Variants in GALNT17 observed in about 807,000 individuals in gnomAD.
GALNT17 encodes the protein polypeptide N-acetylgalactosaminyltransferase 17.
Under a neutral mutation model 63.7 loss-of-function variants are expected in GALNT17, and 29 were observed. That is an observed-to-expected ratio of 0.46 (90% confidence interval 0.34 to 0.62). The LOEUF (loss-of-function observed/expected upper bound fraction) is 0.62, where lower values mean the gene tolerates loss of function less well. Ranked by LOEUF, GALNT17 falls within the 20% of genes least tolerant of loss-of-function variation. GALNT17 has a pLI of 0.01. For missense variants in GALNT17, 603 were observed against 799.6 expected (o/e 0.75, Z 2.97); for synonymous variants, 305 against 318.3 (o/e 0.96, Z 0.45).
At chr7:71,468,989 C>T (rs769867827) in intron 5 of GALNT17, among the ~76,000 whole-genome samples, 2 of 152,140 alleles carry the variant, frequency 1.3e-5, no homozygotes, top group Non-Finnish European at 2.9e-5. Context: ...TTATCACATC[C>T]TTAAACTGAT....
At chr7:71,451,763 A>G (rs888626295) in intron 5 of GALNT17, among the ~76,000 whole-genome samples, 3 of 152,150 alleles carry the variant, frequency 2.0e-5, no homozygotes, top group African/African-American at 7.2e-5. Flanking sequence ...ACTGTTTTCT[A>G]GATAGTGTTT....
At chr7:71,252,678 T>C (rs567272871) in intron 1 of GALNT17, among the ~76,000 whole-genome samples, 51 of 152,304 alleles carry the variant, frequency 3.3e-4, no homozygotes, top group African/African-American at 1.2e-3. Flanking sequence ...TGTTAGATCA[T>C]ACATATATGT....
intron 6 of GALNT17, among the ~76,000 whole-genome samples, chr7:71,584,528 T>A (rs1042642011): frequency 1.3e-5 from 2 of 152,154 alleles, no homozygotes; most frequent in Non-Finnish European, 2.9e-5. Flanking sequence ...ATTGCCAACA[T>A]ATAAAGACTC....
At chr7:71,155,026 G>A (rs1788208621) in intron 1 of GALNT17, among the ~76,000 whole-genome samples, 1 of 151,810 alleles carries the variant, frequency 6.6e-6, no homozygotes, top group Non-Finnish European at 1.5e-5. Context: ...TATTGCAGTG[G>A]GGGTTAGGTT....
chr7:71,138,765 GGA>G (rs1351330180), intron 1 of GALNT17, among the ~76,000 whole-genome samples: 1 of 152,152 alleles, frequency 6.6e-6, no homozygotes, highest in Non-Finnish European at 1.5e-5. Context: ...CTTGGGCCCA[GGA>G]GTTCCAGACC....
intron 1 of GALNT17, among the ~76,000 whole-genome samples, chr7:71,144,225 G>A (rs566560532): frequency 2.8e-4 from 43 of 152,106 alleles, no homozygotes; most frequent in South Asian, 1.0e-3. Flanking sequence ...TGGGGAGTCC[G>A]TCAGAAATCC....
intron 1 of GALNT17, among the ~76,000 whole-genome samples, chr7:71,328,577 G>T (rs12699014): frequency 1.5e-4 from 23 of 151,908 alleles, no homozygotes; most frequent in Admixed American, 2.6e-4. Context: ...TCGGCTGGTG[G>T]ACTTGAACTC....
intron 3 of GALNT17, among the ~76,000 whole-genome samples, chr7:71,405,472 A>C (rs1313758904): frequency 1.3e-5 from 2 of 152,224 alleles, no homozygotes; most frequent in Non-Finnish European, 2.9e-5. Flanking sequence ...ACAAAAAATA[A>C]TAATAATAAA....
At position 71,211,217 on chromosome 7, in the gene GALNT17, G is replaced by A. The variant is rs573760936; in HGVS notation, c.238+78177G>A. Among the ~76,000 whole-genome samples the A allele has an allele frequency of 3.5e-4, 53 of 152,270 alleles. 2 individuals are homozygous for A. The South Asian group carries it at 8.3e-3, about 24-fold the overall frequency. On this transcript the variant is annotated intron_variant, in intron 1 of 10. Coordinates refer to ENST00000333538, the MANE Select transcript of GALNT17 (RefSeq NM_022479.3). ...GTGTTGTGGGAGGGACCCAGGGGGA[G>A]GTAGTTGAATCATGGGGGCTGGTTT...
chr7:71,609,926 C>T (rs1790100339), intron 6 of GALNT17, among the ~76,000 whole-genome samples: 1 of 151,972 alleles, frequency 6.6e-6, no homozygotes. Flanking sequence ...AATATTTATT[C>T]ATCAATTATA....
intron 1 of GALNT17, among the ~76,000 whole-genome samples, chr7:71,206,101 G>A (rs1789265874): frequency 6.7e-6 from 1 of 148,608 alleles, no homozygotes; most frequent in South Asian, 2.1e-4. Flanking sequence ...GTGTGTTCAT[G>A]TGTGTGTATA....
intron 7 of GALNT17, among the ~76,000 whole-genome samples, chr7:71,668,072 TA>T (rs1315536167): frequency 6.6e-6 from 1 of 152,136 alleles, no homozygotes; most frequent in Non-Finnish European, 1.5e-5. Flanking sequence ...GTGCTGGGAT[TA>T]CAGGTGTGAG....
intron 3 of GALNT17, among the ~76,000 whole-genome samples, chr7:71,391,822 C>G (rs1316425956): frequency 6.6e-6 from 1 of 152,100 alleles, no homozygotes; most frequent in Non-Finnish European, 1.5e-5. Context: ...TTTTATTTGT[C>G]TCACGGTTCT....
Position 71,265,098 on chromosome 7 carries a change from T to TTATATATATATATATATATATATATATA in GALNT17, c.239-70431_239-70430insATATATATATATATATATATATATATAT, listed in dbSNP as rs1554345967. Among the ~76,000 whole-genome samples, 39 of 78,342 alleles carry TTATATATATATATATATATATATATATA rather than the reference T, an allele frequency of 5.0e-4. 2 individuals are homozygous for TTATATATATATATATATATATATATATA. The highest frequency in any genetic ancestry group is 9.2e-4 in the South Asian group (2 of 2,178). 51.4% of individuals were successfully genotyped at this position (78,342 alleles called of 152,430 possible). A position where few individuals can be genotyped will look rare whatever the true frequency, so the allele number is the denominator to read the frequency against. On this transcript the variant is annotated intron_variant, in intron 1 of 10. Transcript: ENST00000333538. Reference sequence around the variant, plus strand: ...AAATACCACACGTAACCCATAAATATTATATATATATATATATATATTTTT... The same window carrying TTATATATATATATATATATATATATATA: ...AAATACCACACGTAACCCATAAATATTATATATATATATATATATATATATATATATATATATATATATATATATTTTT...
intron 2 of GALNT17, among the ~76,000 whole-genome samples, chr7:71,369,146 CT>C (rs1792569891): frequency 6.6e-6 from 1 of 152,230 alleles, no homozygotes; most frequent in African/African-American, 2.4e-5. Flanking sequence ...GCACAACCTA[CT>C]CTTAGTACAC....
chr7:71,713,115 G>T lies in GALNT17; in HGVS notation c.*969G>T, dbSNP rs1447926708. On this transcript the variant is annotated 3_prime_UTR_variant, in exon 11 of 11. Coordinates refer to ENST00000333538, the MANE Select transcript of GALNT17 (RefSeq NM_022479.3). Reference sequence around the variant, plus strand: ...TTCCTCTCTGAAGAGTATTTTTTTCGATTGCCCTCTGGTTAGGGTGCACAT... The same window carrying T: ...TTCCTCTCTGAAGAGTATTTTTTTCTATTGCCCTCTGGTTAGGGTGCACAT... The T allele has an allele frequency of 6.6e-6, 1 of 152,602 alleles. No individual in the cohort carries two copies. Among genetic ancestry groups the T allele is most frequent in the Admixed American group, 6.6e-5 (1 of 15,266 alleles). 9.5% of individuals were successfully genotyped at this position (152,602 alleles called of 1,614,324 possible).
chr7:71,396,825 C>T (rs1027570655), intron 3 of GALNT17, among the ~76,000 whole-genome samples: 2 of 152,106 alleles, frequency 1.3e-5, no homozygotes, highest in South Asian at 4.1e-4. Flanking sequence ...ACACATTTTA[C>T]ACTGCCTTGG....
chr7:71,320,618 A>G (rs1422944169), intron 1 of GALNT17, among the ~76,000 whole-genome samples: 2 of 152,128 alleles, frequency 1.3e-5, no homozygotes, highest in South Asian at 2.1e-4. Context: ...GGGTCTTTTT[A>G]TGAAGAATTG....
chr7:71,660,438 CAG>C (rs1415834302), intron 6 of GALNT17, among the ~76,000 whole-genome samples: 1 of 152,244 alleles, frequency 6.6e-6, no homozygotes, highest in Non-Finnish European at 1.5e-5. Context: ...ACATGCCAGT[CAG>C]AGTCTTGTTC....
Sources: allele counts gnomAD v4.1 joint callset (sites outside exome capture counted in the v4.1 genomes callset), GRCh38; gene constraint gnomAD v4.1.1; transcripts MANE v1.5; gene names NCBI Gene and HGNC (gene_info 2026-07-23, HGNC 2026-07-21).